OSBPL3: variants seen among roughly 807,000 people sequenced by gnomAD.
The protein encoded by OSBPL3 is oxysterol-binding protein-related protein 3.
A neutral mutation model predicts 120.1 loss-of-function variants in OSBPL3; 65 were observed. That is an observed-to-expected ratio of 0.54 (90% CI 0.44 to 0.67). The LOEUF is 0.67. Among genes scored for constraint, OSBPL3 ranks in the 30% least tolerant of loss-of-function variants. The pLI, the probability that OSBPL3 is intolerant of heterozygous loss-of-function variation, is 0.00. For missense variants in OSBPL3, 1,004 were observed against 1,082.1 expected, an observed-to-expected ratio of 0.93 and a Z score of 1.01; for synonymous variants, 416 against 402.6, an observed-to-expected ratio of 1.03 and a Z score of -0.40.
intron 2 of OSBPL3, among the ~76,000 whole-genome samples, chr7:24,887,494 G>A (rs894932718): frequency 6.6e-6 from 1 of 152,174 alleles, no homozygotes; most frequent in African/African-American, 2.4e-5. Context: ...TTTCTCCAAA[G>A]ACTGTCAATG....
chr7:24,886,950 C>T (rs768534238), intron 2 of OSBPL3, among the ~76,000 whole-genome samples: 1 of 152,182 alleles, frequency 6.6e-6, no homozygotes, highest in Non-Finnish European at 1.5e-5. Flanking sequence ...CGGTCATTTT[C>T]AGGCATTTTA....
At chr7:24,826,676 C>T (rs1795748739) in intron 16 of OSBPL3, among the ~76,000 whole-genome samples, 1 of 152,102 alleles carries the variant, frequency 6.6e-6, no homozygotes, top group South Asian at 2.1e-4. Flanking sequence ...CCACAGAGCG[C>T]CGTTTTGGAG....
Position 24,797,436 on chromosome 7 carries a change from A to T in OSBPL3, c.*2747T>A, listed in dbSNP as rs188407522. 9 of 152,298 alleles carry T rather than the reference A, an allele frequency of 5.9e-5. No individual in the cohort carries two copies. Among genetic ancestry groups the T allele is most frequent in the Non-Finnish European group, 1.2e-4 (8 of 68,046 alleles). 9.4% of individuals were successfully genotyped at this position (152,298 alleles called of 1,614,324 possible). On this transcript the variant is annotated 3_prime_UTR_variant, in exon 23 of 23. Transcript: ENST00000313367. The surrounding 1 kb of genome is among the most constrained non-coding windows in gnomAD (Gnocchi z 4.8). Reference sequence around the variant, plus strand: ...CTCCCATCTCTTTAGTTAGGACCAGAATCCACCTGGCTTGTAGGAGAGGAA... The same window carrying T: ...CTCCCATCTCTTTAGTTAGGACCAGTATCCACCTGGCTTGTAGGAGAGGAA...
At chr7:24,961,206 G>T (rs114522733) in intron 1 of OSBPL3, among the ~76,000 whole-genome samples, 75 of 152,256 alleles carry the variant, frequency 4.9e-4, no homozygotes, top group African/African-American at 1.8e-3. Context: ...GGACATCTAT[G>T]TCTTTAATAA....
chr7:24,929,361 G>T (rs1377522404), intron 1 of OSBPL3, among the ~76,000 whole-genome samples: 1 of 152,166 alleles, frequency 6.6e-6, no homozygotes, highest in Non-Finnish European at 1.5e-5. Flanking sequence ...AGTTGCTAAC[G>T]CCGTAAAGAC....
At position 24,817,443 on chromosome 7, in the gene OSBPL3, T is replaced by C. The variant is rs989197015; in HGVS notation, c.1949-755A>G. Among the ~76,000 whole-genome samples the C allele has an allele frequency of 4.0e-5, 6 of 151,818 alleles. No individual in the cohort carries two copies. The highest frequency in any genetic ancestry group is 7.4e-5 in the Non-Finnish European group (5 of 67,966). The stretch of plus-strand genomic sequence containing the variant: ...GAGGCAGGAACCCAAGAGGTGGAGG[T>C]TGCAGTGAGCCAAGATCATGCCATT... On this transcript the variant is annotated intron_variant, in intron 17 of 22. Coordinates refer to ENST00000313367, the MANE Select transcript of OSBPL3 (RefSeq NM_015550.4). The surrounding 1 kb of genome is among the most constrained non-coding windows in gnomAD (Gnocchi z 4.0).
At chr7:24,845,261 TC>T (rs1798263350) in intron 12 of OSBPL3, among the ~76,000 whole-genome samples, 1 of 151,770 alleles carries the variant, frequency 6.6e-6, no homozygotes, top group Non-Finnish European at 1.5e-5. Flanking sequence ...GAATAGTTTT[TC>T]CTTTTTAAAA....
At chr7:24,941,447 A>G (rs984377818) in intron 1 of OSBPL3, among the ~76,000 whole-genome samples, 5 of 152,150 alleles carry the variant, frequency 3.3e-5, no homozygotes, top group South Asian at 4.1e-4. Context: ...CCTGACTACA[A>G]TATCTCCTAC....
intron 11 of OSBPL3, among the ~76,000 whole-genome samples, chr7:24,850,491 C>G (rs936978853): frequency 1.2e-4 from 19 of 152,234 alleles, no homozygotes; most frequent in Admixed American, 6.5e-5. Context: ...CAGGACCGAC[C>G]TGCTGAAAGC....
chr7:24,800,594 C>T (rs532639641), intron 22 of OSBPL3, among the ~76,000 whole-genome samples: 41 of 151,482 alleles, frequency 2.7e-4, no homozygotes, highest in Non-Finnish European at 1.2e-4. Context: ...GTAGCTGGGA[C>T]TACAGCCATG....
In OSBPL3 at chr7:24,966,883, A is replaced by G. The variant is rs1563019838; in HGVS notation, c.-150+13003T>C. ...AATCACATACATACAAATTTATGTC[A>G]ACAAATAATCATTTTTTTATTTACC... On this transcript the variant is annotated intron_variant, in intron 1 of 22. Coordinates refer to ENST00000313367, the MANE Select transcript of OSBPL3 (RefSeq NM_015550.4). The surrounding 1 kb of genome is among the most constrained non-coding windows in gnomAD (Gnocchi z 4.8). 6.6e-6 allele frequency among the ~76,000 whole-genome samples: 1 copy of G among 152,222 alleles called. No homozygotes were observed. Among genetic ancestry groups the G allele is most frequent in the Non-Finnish European group, 1.5e-5 (1 of 68,036 alleles).
chr7:24,894,025 G>A lies in OSBPL3; in HGVS notation c.-149-1404C>T, dbSNP rs1805757178. Among the ~76,000 whole-genome samples, 1 of 151,916 alleles carries A rather than the reference G, an allele frequency of 6.6e-6. No individual in the cohort carries two copies. Among genetic ancestry groups the A allele is most frequent in the African/African-American group, 2.4e-5 (1 of 41,340 alleles). ...ATCTCCAACCCATTCCATTATTAAT[G>A]TTCACATAGTCTAATTATAAAAAGA... On this transcript the variant is annotated intron_variant, in intron 1 of 22. Transcript: ENST00000313367. The surrounding 1 kb of genome is among the most constrained non-coding windows in gnomAD (Gnocchi z 4.1).
In OSBPL3 at chr7:24,928,293, G is replaced by A. The variant is rs180743254; in HGVS notation, c.-149-35672C>T. 4.9e-3 allele frequency among the ~76,000 whole-genome samples: 742 copies of A among 149,954 alleles called. 19 individuals carry two copies. The highest frequency in any genetic ancestry group is 0.042 in the Admixed American group (628 of 14,962). ...TGCAAACTCCGCCTCCCAGGTTCAC[G>A]CCATTCTCCTGCCTCAGCCTCCCGA... On this transcript the variant is annotated intron_variant, in intron 1 of 22. Coordinates refer to ENST00000313367, the MANE Select transcript of OSBPL3 (RefSeq NM_015550.4).
At chr7:24,904,932 T>TGTGTGTGTGTGTGTGTGC in intron 1 of OSBPL3, among the ~76,000 whole-genome samples, 1 of 150,112 alleles carries the variant, frequency 6.7e-6, no homozygotes, top group Non-Finnish European at 1.5e-5. Flanking sequence ...TGTGTGTGTG[T>TGTGTGTGTGTGTGTGTGC]GTGTGTGTGT....
intron 1 of OSBPL3, among the ~76,000 whole-genome samples, chr7:24,909,264 TA>T (rs1356348115): frequency 6.6e-6 from 1 of 152,198 alleles, no homozygotes; most frequent in African/African-American, 2.4e-5. Flanking sequence ...GGGCATCTAA[TA>T]AGAGGCTTTC....
At chr7:24,935,085 A>G (rs1337115985) in intron 1 of OSBPL3, among the ~76,000 whole-genome samples, 1 of 152,214 alleles carries the variant, frequency 6.6e-6, no homozygotes, top group East Asian at 1.9e-4. Flanking sequence ...TGCATAGAAA[A>G]TTTGATAAAT....
chr7:24,852,427 C>T lies in OSBPL3; in HGVS notation c.1158+77G>A. The T allele has an allele frequency of 8.0e-7, 1 of 1,252,250 alleles. No homozygotes were observed. The highest frequency in any genetic ancestry group is 1.1e-6 in the Non-Finnish European group (1 of 947,852). The allele number at this position is 1,252,250 out of a possible 1,614,324, so 77.6% of individuals were successfully genotyped here. A position where few individuals can be genotyped will look rare whatever the true frequency, so the allele number is the denominator to read the frequency against. ...TTTTCTCCTGAATTTTCAACATAAT[C>T]ATGGAAATAGAAATTACAAACCATT... On this transcript the variant is annotated intron_variant, in intron 11 of 22. Coordinates refer to ENST00000313367, the MANE Select transcript of OSBPL3 (RefSeq NM_015550.4). The surrounding 1 kb of genome is among the most constrained non-coding windows in gnomAD (Gnocchi z 4.1).
chr7:24,956,085 T>C (rs1216201672), intron 1 of OSBPL3, among the ~76,000 whole-genome samples: 1 of 152,204 alleles, frequency 6.6e-6, no homozygotes, highest in Admixed American at 6.5e-5. Flanking sequence ...CCACGGAAAA[T>C]ACTCACTGAC....
At position 24,849,016 on chromosome 7, in the gene OSBPL3, C is replaced by G; in HGVS notation, c.1266+53G>C. On this transcript the variant is annotated intron_variant, in intron 12 of 22. Coordinates refer to ENST00000313367, the MANE Select transcript of OSBPL3 (RefSeq NM_015550.4). The surrounding 1 kb of genome is among the most constrained non-coding windows in gnomAD (Gnocchi z 5.4). ...GGTCGTGCAATGGGACAGATGGTAT[C>G]ACGGGAGCGGGCGGCAGCTGGGGAG... The G allele has an allele frequency of 7.9e-7, 1 of 1,261,298 alleles. No homozygotes were observed. The highest frequency in any genetic ancestry group is 1.2e-6 in the Non-Finnish European group (1 of 865,282). 78.1% of individuals were successfully genotyped at this position (1,261,298 alleles called of 1,614,324 possible). A position where few individuals can be genotyped will look rare whatever the true frequency, so the allele number is the denominator to read the frequency against.
Sources: gnomAD v4.1 joint callset for allele counts (sites outside exome capture counted in the v4.1 genomes callset) on GRCh38, gnomAD v4.1.1 for gene constraint, Gnocchi (gnomAD v3.1) non-coding constraint, MANE v1.5 for transcripts, NCBI Gene and HGNC (gene_info 2026-07-23, HGNC 2026-07-21) for gene names.